RAB11FIP3: variants seen among roughly 807,000 people sequenced by gnomAD.
The protein encoded by RAB11FIP3 is RAB11 family interacting protein 3.
Under a neutral mutation model 77.8 loss-of-function variants are expected in RAB11FIP3, and 17 were observed. The ratio of observed to expected loss-of-function variants is 0.22; its 90% CI spans 0.15 to 0.33. The LOEUF is 0.33. Among genes scored for constraint, RAB11FIP3 ranks in the 10% least tolerant of loss-of-function variants. The pLI, the probability that RAB11FIP3 is intolerant of heterozygous loss-of-function variation, is 1.00. For synonymous variants in RAB11FIP3, 437 were observed against 448.2 expected (o/e 0.98, Z 0.31); for missense variants, 1,005 against 1,011.2 (o/e 0.99, Z 0.08).
chr16:483,377 T>TG, intron 4 of RAB11FIP3, among the ~76,000 whole-genome samples: 1 of 152,254 alleles, frequency 6.6e-6, no homozygotes. Flanking sequence ...GTTCAGGCCA[T>TG]GGTTAGGGAG....
chr16:464,522 G>A (rs111413651), intron 2 of RAB11FIP3, among the ~76,000 whole-genome samples: 2 of 152,128 alleles, frequency 1.3e-5, no homozygotes, highest in African/African-American at 4.8e-5. Context: ...CATGACCCTC[G>A]GGATGAGTTT....
At position 471,147 on chromosome 16, in the gene RAB11FIP3, CCTTG is replaced by C. The variant is rs2055800271; in HGVS notation, c.809-143_809-140del. The stretch of plus-strand genomic sequence containing the variant: ...CTCCCTGGATTTCTCATGCTCACTC[CCTTG>C]CTTGTCTTGACCCCCCCCAGGGCCC... On this transcript the variant is annotated intron_variant, in intron 2 of 13. Coordinates refer to ENST00000262305, the MANE Select transcript of RAB11FIP3 (RefSeq NM_014700.4). This position sits in a 1 kb window ranked among gnomAD's most constrained non-coding sequence, Gnocchi z 4.4. The C allele has an allele frequency of 4.7e-6, 3 of 644,158 alleles. No homozygotes were observed. Among genetic ancestry groups the C allele is most frequent in the African/African-American group, 3.6e-5 (2 of 54,992 alleles). 39.9% of individuals were successfully genotyped at this position (644,158 alleles called of 1,614,324 possible).
intron 1 of RAB11FIP3, among the ~76,000 whole-genome samples, chr16:432,588 T>G (rs995274171): frequency 1.4e-3 from 172 of 123,390 alleles, no homozygotes; most frequent in African/African-American, 5.6e-3. Context: ...TTTGACCTGG[T>G]TTTTTTTTTT....
At chr16:455,358 C>T (rs1029865649) in intron 1 of RAB11FIP3, among the ~76,000 whole-genome samples, 11 of 151,018 alleles carry the variant, frequency 7.3e-5, no homozygotes, top group African/African-American at 2.4e-4. Context: ...CCTGTCATGC[C>T]ATCTACAAAG....
chr16:492,601 G>A (rs183169897), intron 5 of RAB11FIP3, among the ~76,000 whole-genome samples: 109 of 145,868 alleles, frequency 7.5e-4, no homozygotes, highest in Admixed American at 6.1e-3. Context: ...TTCTGCCTGC[G>A]TGTGTGTTCA....
chr16:508,664 G>T (rs758156673), intron 8 of RAB11FIP3, among the ~76,000 whole-genome samples: 1 of 151,858 alleles, frequency 6.6e-6, no homozygotes, highest in African/African-American at 2.4e-5. Flanking sequence ...ATGAGCCACC[G>T]CGCCTGGCCT....
chr16:466,775 C>T (rs1219263640), intron 2 of RAB11FIP3, among the ~76,000 whole-genome samples: 2 of 152,222 alleles, frequency 1.3e-5, no homozygotes, highest in African/African-American at 2.4e-5. Context: ...TTGCTGTCAC[C>T]TGGGCCAATC....
rs1388119462 is a variant in RAB11FIP3, at chr16:492,486, C to T, written c.1265+3486C>T. ...GGGAGACCCGAGGCCGCCCAGGGCC[C>T]TCCCGGGAGACCCGAGGCCGCCCAG... is the stretch of plus-strand genomic sequence containing the variant. On this transcript the variant is annotated intron_variant, in intron 5 of 13. Transcript: ENST00000262305. 7.6e-4 allele frequency among the ~76,000 whole-genome samples: 34 copies of T among 44,640 alleles called. 2 individuals are homozygous for T. The highest frequency in any genetic ancestry group is 4.4e-3 in the African/African-American group (31 of 7,032). 29.3% of individuals were successfully genotyped at this position (44,640 alleles called of 152,430 possible). A position where few individuals can be genotyped will look rare whatever the true frequency, so the allele number is the denominator to read the frequency against.
At chr16:492,539 CA>C (rs2030654630) in intron 5 of RAB11FIP3, among the ~76,000 whole-genome samples, 1 of 151,758 alleles carries the variant, frequency 6.6e-6, no homozygotes, top group African/African-American at 2.4e-5. Flanking sequence ...CGAGGCCGTC[CA>C]GAATCTTGGA....
chr16:492,094 C>A (rs1476017550), intron 5 of RAB11FIP3, among the ~76,000 whole-genome samples: 1 of 152,222 alleles, frequency 6.6e-6, no homozygotes, highest in Non-Finnish European at 1.5e-5. Context: ...CCTGTCCCTG[C>A]CCCAGGGGGC....
intron 1 of RAB11FIP3, among the ~76,000 whole-genome samples, chr16:436,961 A>G (rs1275416938): frequency 6.6e-6 from 1 of 151,974 alleles, no homozygotes; most frequent in Admixed American, 6.6e-5. Flanking sequence ...GACTGTAGTT[A>G]ATAATCTGTT....
At chr16:476,197 C>T (rs1443289639) in intron 3 of RAB11FIP3, among the ~76,000 whole-genome samples, 3 of 152,182 alleles carry the variant, frequency 2.0e-5, no homozygotes, top group Non-Finnish European at 2.9e-5. Flanking sequence ...GGGTCCAGAG[C>T]GGAGCGTGTG....
rs1464879199 is a variant in RAB11FIP3 at position 505,266 on chromosome 16, C to T, written c.1396-258C>T. Among the ~76,000 whole-genome samples, 1 of 152,048 alleles carries T rather than the reference C, an allele frequency of 6.6e-6. No individual in the cohort carries two copies. The highest frequency in any genetic ancestry group is 1.5e-5 in the Non-Finnish European group (1 of 68,020). Reference sequence around the variant, plus strand: ...CACCAGCCAGCCAGTCCAAAGGCACCCCTGGGCCCCGAGCCCTCAGAGCTG... The same window carrying T: ...CACCAGCCAGCCAGTCCAAAGGCACTCCTGGGCCCCGAGCCCTCAGAGCTG... On this transcript the variant is annotated intron_variant, in intron 7 of 13. Transcript: ENST00000262305. This position sits in a 1 kb window ranked among gnomAD's most constrained non-coding sequence, Gnocchi z 4.0.
intron 2 of RAB11FIP3, among the ~76,000 whole-genome samples, chr16:470,006 T>C (rs965428127): frequency 1.3e-5 from 2 of 152,102 alleles, no homozygotes; most frequent in Admixed American, 6.6e-5. Context: ...TTCTTTCTTT[T>C]TTTTTTGAGA....
At chr16:466,056 G>T (rs2055696756) in intron 2 of RAB11FIP3, among the ~76,000 whole-genome samples, 1 of 152,138 alleles carries the variant, frequency 6.6e-6, no homozygotes, top group African/African-American at 2.4e-5. Context: ...GTGCCACAAA[G>T]ACTCAGAGCA....
chr16:510,059 G>A (rs563393949), intron 8 of RAB11FIP3, among the ~76,000 whole-genome samples: 8 of 151,432 alleles, frequency 5.3e-5, no homozygotes, highest in African/African-American at 7.3e-5. Flanking sequence ...GGCTCTGAGC[G>A]CACGCGTTGT....
chr16:516,470 T>C (rs1476629676), intron 9 of RAB11FIP3, among the ~76,000 whole-genome samples: 2 of 151,814 alleles, frequency 1.3e-5, no homozygotes, highest in South Asian at 4.1e-4. Flanking sequence ...GCTGAAGGAG[T>C]TGCCAGACGC....
At chr16:430,845 T>G (rs1156954839) in intron 1 of RAB11FIP3, among the ~76,000 whole-genome samples, 1 of 152,160 alleles carries the variant, frequency 6.6e-6, no homozygotes, top group South Asian at 2.1e-4. Context: ...ATACAAACAT[T>G]TTTAAAAATT....
intron 5 of RAB11FIP3, among the ~76,000 whole-genome samples, chr16:489,516 G>C (rs2029979792): frequency 6.6e-6 from 1 of 152,186 alleles, no homozygotes. Flanking sequence ...CCGAACATGG[G>C]GGTCTGGGTA....
Sources: gnomAD v4.1 joint callset for allele counts (sites outside exome capture counted in the v4.1 genomes callset) on GRCh38, gnomAD v4.1.1 for gene constraint, Gnocchi (gnomAD v3.1) non-coding constraint, MANE v1.5 for transcripts, NCBI Gene and HGNC (gene_info 2026-07-23, HGNC 2026-07-21) for gene names.